Variants in SLC9A5 observed in about 807,000 individuals in gnomAD.
SLC9A5 encodes the protein sodium/hydrogen exchanger 5.
SLC9A5 carries 52 observed loss-of-function variants against 91.7 expected under a neutral mutation model. That is an observed-to-expected ratio of 0.57 (90% CI 0.45 to 0.71). The LOEUF (loss-of-function observed/expected upper bound fraction) is 0.71. Ranked by LOEUF, SLC9A5 falls within the 30% of genes least tolerant of loss-of-function variation. The pLI is 0.00. For synonymous variants in SLC9A5, 419 were observed against 474.5 expected (o/e 0.88, Z 1.52); for missense variants, 871 against 1,158.9 (o/e 0.75, Z 3.61).
intron 11 of SLC9A5, 69 bp downstream of exon 11, chr16:67,259,730 G>C (rs1471986589): frequency 1.3e-5 from 21 of 1,591,284 alleles, no homozygotes; most frequent in Non-Finnish European, 1.7e-5. Context: ...AGTCCCTTCT[G>C]GGGGAGATTT....
intron 1 of SLC9A5, among the ~76,000 whole-genome samples, chr16:67,251,403 CTTTTTTTTT>C (rs939453669): frequency 1.2e-4 from 8 of 64,794 alleles, no homozygotes; most frequent in African/African-American, 4.5e-4. Context: ...AGTAGATTGT[CTTTTTTTTT>C]TTTTTTTTTT....
In SLC9A5 at chr16:67,256,499, G is replaced by A; in HGVS notation, c.942G>A (p.Lys314=). The A allele has an allele frequency of 6.2e-7, 1 of 1,612,458 alleles. No individual in the cohort carries two copies. The highest frequency in any genetic ancestry group is 8.5e-7 in the Non-Finnish European group (1 of 1,179,964). ...CCATGTGTGGCCTGGGCTGTAAGAA[G>A]TACGTGGAGGCCAACATCTCCCATA... The part of the protein sequence containing the change: ...AVTMCGLGCK[K]YVEANISHKS... The change falls in exon 6 of 16, where the codon AAG becomes AAA. Residue 314 remains lysine, a synonymous_variant. Coordinates refer to ENST00000299798, the MANE Select transcript of SLC9A5 (RefSeq NM_004594.3). This position sits in a 1 kb window ranked among gnomAD's most constrained non-coding sequence, Gnocchi z 4.1.
rs1004835007 is a variant in SLC9A5, at chr16:67,262,329, T to C, written c.1843-2023T>C. 26 of 449,782 alleles carry C rather than the reference T, an allele frequency of 5.8e-5. No individual in the cohort carries two copies. The Admixed American group carries it at 6.2e-4, about 11-fold the overall frequency. 27.9% of individuals were successfully genotyped at this position (449,782 alleles called of 1,614,324 possible). A position where few individuals can be genotyped will look rare whatever the true frequency, so the allele number is the denominator to read the frequency against. ...CCAGTTCTGAATCCACTTAGTATGA[T>C]AACACAATCCACAATTTCTCATGTT... On this transcript the variant is annotated intron_variant, in intron 12 of 15. Coordinates refer to ENST00000299798, the MANE Select transcript of SLC9A5 (RefSeq NM_004594.3).
Position 67,255,334 on chromosome 16 carries a change from C to T in SLC9A5, c.655-59C>T, listed in dbSNP as rs1243962335. ...ACCCTGCTCTCCCAGCAGTCTGTCT[C>T]CCAGCAGTCCCAGTTGCTGCCTTCC... On this transcript the variant is annotated intron_variant, in intron 3 of 15. Coordinates refer to ENST00000299798, the MANE Select transcript of SLC9A5 (RefSeq NM_004594.3). This position sits in a 1 kb window ranked among gnomAD's most constrained non-coding sequence, Gnocchi z 4.9. 6.4e-7 allele frequency: 1 copy of T among 1,553,804 alleles called. No homozygotes were observed. Among genetic ancestry groups the T allele is most frequent in the Non-Finnish European group, 8.8e-7 (1 of 1,129,944 alleles).
At position 67,249,109 on chromosome 16, in the gene SLC9A5, C is replaced by A; in HGVS notation, c.95C>A (p.Pro32Gln). The A allele has an allele frequency of 1.3e-6, 2 of 1,549,590 alleles. No individual in the cohort carries two copies. The highest frequency in any genetic ancestry group is 1.7e-6 in the Non-Finnish European group (2 of 1,154,322). Residue 32 changes from proline to glutamine, a missense_variant, in exon 1 of 16, where the codon CCA (proline) becomes CAA (glutamine). By Grantham distance (76) the Pro-to-Gln change is moderately conservative. This residue lies in a region of SLC9A5 where 122 missense variants were observed against 114.5 expected (regional missense o/e 1.07). Coordinates refer to ENST00000299798, the MANE Select transcript of SLC9A5 (RefSeq NM_004594.3). ...QKPESPGEPP[P>Q]GLELFRWQWH... ...CCAGAGTCCCCGGGCGAGCCTCCCC[C>A]AGGCTTAGAGCTCTTCCGCTGGCAG...
chr16:67,259,477 A>G, intron 10 of SLC9A5, 96 bp from the exon 11 acceptor site: 1 of 857,250 alleles, frequency 1.2e-6, no homozygotes, highest in Non-Finnish European at 1.9e-6. Context: ...CAAAAGAGTA[A>G]ACTAAGTGTT....
At chr16:67,250,155 C>G (rs1016662489) in intron 1 of SLC9A5, among the ~76,000 whole-genome samples, 2 of 152,242 alleles carry the variant, frequency 1.3e-5, no homozygotes, top group Non-Finnish European at 2.9e-5. Flanking sequence ...ATTTGCCCCT[C>G]TTCTCCCACA....
intron 2 of SLC9A5, 115 bp from the exon 3 acceptor site, chr16:67,254,906 T>A (rs1306882056): frequency 9.9e-7 from 1 of 1,006,102 alleles, no homozygotes; most frequent in Non-Finnish European, 1.4e-6. Context: ...CCAAGTCCTC[T>A]TTGGGCTTCC....
chr16:67,257,110 G>A lies in SLC9A5; in HGVS notation c.1332G>A (p.Val444=), dbSNP rs775001569. 6.8e-6 allele frequency: 11 copies of A among 1,608,038 alleles called. No homozygotes were observed. The South Asian group carries it at 9.9e-5, about 14-fold the overall frequency. ...TAGTGGTCTTCTTCACAGTCATCGTGCAGGTGGGAGTGCCCACAAGGCTGG... is the reference window on the plus strand; with the variant it reads ...TAGTGGTCTTCTTCACAGTCATCGTACAGGTGGGAGTGCCCACAAGGCTGG... ...TIVVVFFTVI[V]QGLTIKPLVK... is the part of the protein sequence containing the mutation. The change falls in exon 7 of 16, where the codon GTG becomes GTA. Residue 444 remains valine, a synonymous_variant. Coordinates refer to ENST00000299798, the MANE Select transcript of SLC9A5 (RefSeq NM_004594.3). This position sits in a 1 kb window ranked among gnomAD's most constrained non-coding sequence, Gnocchi z 5.1.
In SLC9A5 at chr16:67,266,087, G is replaced by A. The variant is rs927593726; in HGVS notation, c.2081-1G>A. ...CTGACTCTGCTCTTGTCTCTGTCCA[G>A]CTGCTGTGATATTAACCGTGGAGTC... On this transcript the variant is annotated splice_acceptor_variant, in intron 14 of 15. Coordinates refer to ENST00000299798, the MANE Select transcript of SLC9A5 (RefSeq NM_004594.3). LOFTEE classifies it high-confidence loss of function. 10 of 1,611,476 alleles carry A rather than the reference G, an allele frequency of 6.2e-6. No individual in the cohort carries two copies. The highest frequency in any genetic ancestry group is 6.8e-6 in the Non-Finnish European group (8 of 1,178,940).
At chr16:67,266,473 A>T (rs1010077793) in intron 15 of SLC9A5, among the ~76,000 whole-genome samples, 1 of 152,232 alleles carries the variant, frequency 6.6e-6, no homozygotes, top group African/African-American at 2.4e-5. Context: ...ATCACATAGT[A>T]GAACCAGAAT....
rs1486596388 is a variant in SLC9A5 at position 67,251,995 on chromosome 16, G to T, written c.188-547G>T. On this transcript the variant is annotated intron_variant, in intron 1 of 15. Transcript: ENST00000299798. ...GTCCCCTGAGGATGAAAGTATAAAG[G>T]AAGGGACATTTCTAGAAGGGGAAAA... Among the ~76,000 whole-genome samples, 11 of 152,302 alleles carry T rather than the reference G, an allele frequency of 7.2e-5. No homozygotes were observed. In the East Asian group the frequency reaches 2.1e-3, roughly 29 times the overall value.
intron 1 of SLC9A5, among the ~76,000 whole-genome samples, chr16:67,251,944 G>T (rs1275307621): frequency 6.6e-6 from 1 of 152,132 alleles, no homozygotes; most frequent in African/African-American, 2.4e-5. Flanking sequence ...AATGGCTATG[G>T]ATAAGGGTTG....
intron 11 of SLC9A5, 25 bp from the exon 12 acceptor site, chr16:67,259,795 C>T: frequency 1.2e-6 from 2 of 1,612,500 alleles, no homozygotes; most frequent in African/African-American, 1.3e-5. Flanking sequence ...CCCTCTCCAG[C>T]ACATGTGTCC....
chr16:67,256,062 G>C lies in SLC9A5; in HGVS notation c.911+132G>C. 1 of 980,448 alleles carries C rather than the reference G, an allele frequency of 1.0e-6. No homozygotes were observed. The highest frequency in any genetic ancestry group is 2.3e-5 in the Admixed American group (1 of 43,248). The allele number at this position is 980,448 out of a possible 1,614,324, so 60.7% of individuals were successfully genotyped here. A position where few individuals can be genotyped will look rare whatever the true frequency, so the allele number is the denominator to read the frequency against. On this transcript the variant is annotated intron_variant, in intron 5 of 15. Transcript: ENST00000299798. This position sits in a 1 kb window ranked among gnomAD's most constrained non-coding sequence, Gnocchi z 4.1. Reference sequence around the variant, plus strand: ...AGCCCTTGTGGTAGTGGGAGCCTCAGACTGTCCTGGGGAGTCAGTAAACCT... The same window carrying C: ...AGCCCTTGTGGTAGTGGGAGCCTCACACTGTCCTGGGGAGTCAGTAAACCT...
chr16:67,255,882 A>T lies in SLC9A5; in HGVS notation c.863A>T (p.Tyr288Phe). The change falls in exon 5 of 16, where the codon TAC becomes TTC. Residue 288 changes from tyrosine (Y) to phenylalanine (F), a missense_variant. Physicochemically the swap from Tyr to Phe is conservative, Grantham distance 22. Transcript: ENST00000299798. The surrounding 1 kb of genome is among the most constrained non-coding windows in gnomAD (Gnocchi z 4.9). ...IEPLLVFLLA[Y>F]AAYLTAEMAS... ...CCGCTGCTGGTCTTCCTCCTCGCCT[A>T]CGCAGCCTACCTCACTGCTGAAATG... is the stretch of plus-strand genomic sequence containing the variant. 1 of 1,613,738 alleles carries T rather than the reference A, an allele frequency of 6.2e-7. No homozygotes were observed. Among genetic ancestry groups the T allele is most frequent in the Non-Finnish European group, 8.5e-7 (1 of 1,179,896 alleles).
At chr16:67,264,766 G>T (rs940186642) in intron 13 of SLC9A5, among the ~76,000 whole-genome samples, 2 of 152,172 alleles carry the variant, frequency 1.3e-5, no homozygotes, top group Admixed American at 1.3e-4. Context: ...CAGCAGGGCC[G>T]CCTACCAAAG....
In SLC9A5 at chr16:67,265,125, G is replaced by A. The variant is rs2035657672; in HGVS notation, c.2080+19G>A. The A allele has an allele frequency of 6.2e-7, 1 of 1,612,702 alleles. No individual in the cohort carries two copies. The highest frequency in any genetic ancestry group is 8.5e-7 in the Non-Finnish European group (1 of 1,178,828). ...GACACAGGCAAGCAGGGAGCAGTGT[G>A]GGATTGAGGATGGGAGGGAGGAGGG... On this transcript the variant is annotated intron_variant, in intron 14 of 15. Transcript: ENST00000299798.
At chr16:67,259,007 T>A (rs2035420461) in intron 10 of SLC9A5, among the ~76,000 whole-genome samples, 1 of 151,510 alleles carries the variant, frequency 6.6e-6, no homozygotes, top group Admixed American at 6.6e-5. Context: ...ACACCTGTAA[T>A]CCCAGCACTT....
Sources: allele counts gnomAD v4.1 joint callset (sites outside exome capture counted in the v4.1 genomes callset), GRCh38; gene constraint gnomAD v4.1.1; regional missense constraint gnomAD v4.1.1; non-coding constraint Gnocchi (gnomAD v3.1); transcripts MANE v1.5; gene names NCBI Gene and HGNC (gene_info 2026-07-23, HGNC 2026-07-21).